STAP1: variants seen among roughly 807,000 people sequenced by gnomAD.
The protein encoded by STAP1 is signal transducing adaptor family member 1, also known as signal-transducing adaptor protein 1.
In STAP1, 30 loss-of-function variants were observed where a neutral mutation model predicts 37.8. That is an observed-to-expected ratio of 0.79 (90% CI 0.59 to 1.08). STAP1 has a LOEUF of 1.08. STAP1 is among the 50% of genes least tolerant of loss of function. The pLI is 0.00. For synonymous variants in STAP1, 130 were observed against 116.0 expected (o/e 1.12, Z -0.78); for missense variants, 357 against 349.4 (o/e 1.02, Z -0.17).
At chr4:67,572,528 T>TACGG (rs1727627615) in intron 2 of STAP1, among the ~76,000 whole-genome samples, 1 of 152,142 alleles carries the variant, frequency 6.6e-6, no homozygotes, top group Admixed American at 6.5e-5. Context: ...ACTCAAAGGG[T>TACGG]ACGGAGCCCC....
At chr4:67,563,117 T>C (rs1403329633) in intron 1 of STAP1, among the ~76,000 whole-genome samples, 1 of 152,216 alleles carries the variant, frequency 6.6e-6, no homozygotes, top group African/African-American at 2.4e-5. Flanking sequence ...TCATTTTTGC[T>C]AGTTGTATTA....
At chr4:67,572,801 A>G (rs1727635415) in intron 2 of STAP1, among the ~76,000 whole-genome samples, 1 of 152,228 alleles carries the variant, frequency 6.6e-6, no homozygotes, top group Non-Finnish European at 1.5e-5. Context: ...ACAACTCTGC[A>G]GAATGGGTGC....
At chr4:67,569,598 A>T (rs570489687) in intron 1 of STAP1, among the ~76,000 whole-genome samples, 2 of 152,134 alleles carry the variant, frequency 1.3e-5, no homozygotes, top group African/African-American at 4.8e-5. Context: ...TTCTATTTTT[A>T]AAATTCTTTA....
intron 3 of STAP1, among the ~76,000 whole-genome samples, chr4:67,576,400 A>G (rs937566965): frequency 6.6e-6 from 1 of 152,278 alleles, no homozygotes; most frequent in Non-Finnish European, 1.5e-5. Context: ...ACCAGTGTGT[A>G]GAATAGTGCT....
intron 4 of STAP1, among the ~76,000 whole-genome samples, chr4:67,578,613 G>C (rs1727780005): frequency 6.6e-6 from 1 of 152,182 alleles, no homozygotes; most frequent in South Asian, 2.1e-4. Flanking sequence ...CCAATACCGG[G>C]TATAACTATC....
intron 5 of STAP1, among the ~76,000 whole-genome samples, chr4:67,582,371 C>T (rs565791549): frequency 2.6e-5 from 4 of 151,466 alleles, no homozygotes; most frequent in Non-Finnish European, 4.4e-5. Flanking sequence ...GAGTGCAGCA[C>T]GATCTCAGCT....
intron 4 of STAP1, among the ~76,000 whole-genome samples, chr4:67,577,768 C>T (rs1355119879): frequency 1.3e-5 from 2 of 151,494 alleles, no homozygotes; most frequent in African/African-American, 4.9e-5. Context: ...CCTGCTTCAG[C>T]CTCTCAAGTA....
chr4:67,600,730 A>G (rs1728320138), intron 8 of STAP1, among the ~76,000 whole-genome samples: 1 of 152,152 alleles, frequency 6.6e-6, no homozygotes, highest in African/African-American at 2.4e-5. Context: ...TGACCCTTTC[A>G]TCATTATATA....
chr4:67,576,093 T>C (rs1727713782), intron 3 of STAP1, among the ~76,000 whole-genome samples: 1 of 152,236 alleles, frequency 6.6e-6, no homozygotes, highest in Admixed American at 6.5e-5. Flanking sequence ...ATTGTGATTA[T>C]AGGCAAGTTA....
intron 4 of STAP1, among the ~76,000 whole-genome samples, chr4:67,578,542 T>C (rs547055232): frequency 2.7e-5 from 4 of 150,150 alleles, no homozygotes; most frequent in Admixed American, 2.6e-4. Context: ...GAGGAAGGAA[T>C]CCTGGGGAAT....
chr4:67,598,411 T>C (rs755065030), intron 8 of STAP1, among the ~76,000 whole-genome samples: 1 of 152,184 alleles, frequency 6.6e-6, no homozygotes, highest in Non-Finnish European at 1.5e-5. Flanking sequence ...TGTATGAAGG[T>C]TCCCTTTTCT....
chr4:67,569,289 C>T (rs1727545510), intron 1 of STAP1, among the ~76,000 whole-genome samples: 1 of 152,126 alleles, frequency 6.6e-6, no homozygotes, highest in Non-Finnish European at 1.5e-5. Context: ...ACAAATGGAG[C>T]TTGCAGGACT....
intron 6 of STAP1, 141 bp from the exon 7 acceptor site, chr4:67,590,743 G>A (rs982871457): frequency 5.7e-5 from 22 of 382,960 alleles, no homozygotes; most frequent in Middle Eastern, 6.8e-4. Flanking sequence ...AAACCACGAA[G>A]GATTTTTTTT....
chr4:67,565,285 A>G (rs1440611482), intron 1 of STAP1, among the ~76,000 whole-genome samples: 4 of 152,254 alleles, frequency 2.6e-5, no homozygotes, highest in African/African-American at 9.6e-5. Flanking sequence ...TATATTAGCA[A>G]CTTCTCAAGC....
intron 6 of STAP1, 47 bp from the exon 7 acceptor site, chr4:67,590,837 A>G (rs747326429): frequency 7.4e-7 from 1 of 1,355,686 alleles, no homozygotes. Flanking sequence ...GTTTGCATTT[A>G]CCCAATTGTA....
At chr4:67,581,221 T>C (rs1056508691) in intron 4 of STAP1, 84 bp from the exon 5 acceptor site, 523 of 1,333,164 alleles carry the variant, frequency 3.9e-4, no homozygotes, top group Non-Finnish European at 3.5e-4. Context: ...TGTAGCCCTA[T>C]AGGACCAGAA....
At chr4:67,590,387 G>A (rs1286800016) in intron 6 of STAP1, among the ~76,000 whole-genome samples, 4 of 152,096 alleles carry the variant, frequency 2.6e-5, no homozygotes. Flanking sequence ...GGATATCCAG[G>A]GTGGTATATG....
chr4:67,577,250 A>T lies in STAP1; in HGVS notation c.354A>T (p.Thr118=). The T allele has an allele frequency of 6.2e-7, 1 of 1,606,276 alleles. No individual in the cohort carries two copies. Among genetic ancestry groups the T allele is most frequent in the Non-Finnish European group, 8.5e-7 (1 of 1,176,780 alleles). ...SGEEWRGFIL[T]VTELSVPQNV... ...AAGAATGGAGAGGCTTCATTCTTAC[A>T]GTAACAGAGGTAGGAAGCTCACTGC... The change falls in exon 4 of 9, where the codon ACA becomes ACT. Residue 118 remains threonine, a synonymous_variant. Coordinates refer to ENST00000265404, the MANE Select transcript of STAP1 (RefSeq NM_012108.4).
rs1247156556 is a variant in STAP1, at chr4:67,581,326, T to C, written c.385T>C (p.Ser129Pro). 4 of 1,612,694 alleles carry C rather than the reference T, an allele frequency of 2.5e-6. No individual in the cohort carries two copies. The highest frequency in any genetic ancestry group is 3.4e-6 in the Non-Finnish European group (4 of 1,179,574). ...TCAGCTGTCAGTTCCCCAAAACGTG[T>C]CACTCCTACCTGGGCAAGTAATTAA... ...VTELSVPQNVSLLPGQVIKLH... is the reference protein window; with the variant it reads ...VTELSVPQNVPLLPGQVIKLH... The change falls in exon 5 of 9, where the codon TCA becomes CCA. Residue 129 changes from serine to proline, a missense_variant. By Grantham distance (74) the Ser-to-Pro change is moderately conservative. Coordinates refer to ENST00000265404, the MANE Select transcript of STAP1 (RefSeq NM_012108.4).
Sources: allele counts gnomAD v4.1 joint callset (sites outside exome capture counted in the v4.1 genomes callset), GRCh38; gene constraint gnomAD v4.1.1; transcripts MANE v1.5; gene names NCBI Gene and HGNC (gene_info 2026-07-23, HGNC 2026-07-21).